The following PHF8 variants were observed in gnomAD, a reference collection of about 807,000 sequenced individuals.
The protein encoded by PHF8 is PHD finger protein 8.
In PHF8, 9 loss-of-function variants were observed where a neutral mutation model predicts 74.4. The ratio of observed to expected loss-of-function variants is 0.12; its 90% CI spans 0.07 to 0.21. PHF8 has a LOEUF of 0.21. Among genes scored for constraint, PHF8 ranks in the 10% least tolerant of loss-of-function variants. The pLI, the probability that PHF8 is intolerant of heterozygous loss-of-function variation, is 1.00. For synonymous variants in PHF8, 311 were observed against 316.6 expected, an observed-to-expected ratio of 0.98 and a Z score of 0.19; for missense variants, 478 against 816.6, an observed-to-expected ratio of 0.59 and a Z score of 5.05.
chrX:54,015,886 C>T (rs1255549115), intron 6 of PHF8, among the ~76,000 whole-genome samples: 3 of 110,844 alleles, frequency 2.7e-5, no homozygotes, highest in Admixed American at 9.7e-5. Context: ...AAATAGGTTT[C>T]TCTTTTTCTT....
intron 18 of PHF8, among the ~76,000 whole-genome samples, chrX:53,984,078 A>G (rs1419618242): frequency 4.4e-5 from 5 of 112,518 alleles, no homozygotes; most frequent in African/African-American, 1.6e-4. Context: ...TATTAAAACA[A>G]TGGCCGGGCG....
chrX:53,955,187 T>C (rs781864111), intron 19 of PHF8, among the ~76,000 whole-genome samples: 1 of 111,578 alleles, frequency 9.0e-6, no homozygotes, highest in African/African-American at 3.2e-5. Flanking sequence ...GTATTAGCAG[T>C]TTTTAGTTGA....
intron 2 of PHF8, among the ~76,000 whole-genome samples, chrX:54,036,819 T>G (rs2146507584): frequency 9.4e-6 from 1 of 106,100 alleles, no homozygotes; most frequent in Non-Finnish European, 1.9e-5. Flanking sequence ...GCCAACATGG[T>G]GAAACCCCAT....
intron 18 of PHF8, among the ~76,000 whole-genome samples, chrX:53,966,466 G>A (rs1477595714): frequency 8.9e-6 from 1 of 112,869 alleles, no homozygotes. Context: ...GCTCCTAACC[G>A]CGAGTGATCC....
At chrX:54,013,921 A>G (rs1393033615) in intron 7 of PHF8, among the ~76,000 whole-genome samples, 1 of 111,769 alleles carries the variant, frequency 8.9e-6, no homozygotes, top group East Asian at 2.8e-4. Flanking sequence ...GGCATCTGCT[A>G]TTATTCAAAA....
chrX:53,956,017 C>G (rs1009188576), intron 19 of PHF8, among the ~76,000 whole-genome samples: 1 of 111,085 alleles, frequency 9.0e-6, no homozygotes, highest in Non-Finnish European at 1.9e-5. Flanking sequence ...GAGGCTGAGG[C>G]GGGCTAATCA....
chrX:53,994,592 C>T (rs985678909), intron 12 of PHF8, among the ~76,000 whole-genome samples: 2 of 112,726 alleles, frequency 1.8e-5, no homozygotes, highest in South Asian at 3.6e-4. Context: ...ATCTCTAAGT[C>T]CTCTTCCAAC....
upstream of PHF8, chrX:54,044,751 C>T (rs1373494959): frequency 5.1e-5 from 28 of 551,105 alleles, no homozygotes; most frequent in East Asian, 2.8e-4. Context: ...TACCCCGACT[C>T]GCACACTCCT....
intron 19 of PHF8, among the ~76,000 whole-genome samples, chrX:53,956,372 C>T (rs1373403543): frequency 9.0e-6 from 1 of 111,585 alleles, no homozygotes; most frequent in African/African-American, 3.3e-5. Flanking sequence ...ACCCATGATA[C>T]GTATGAGTCA....
intron 21 of PHF8, among the ~76,000 whole-genome samples, chrX:53,939,955 C>T (rs1165372201): frequency 9.0e-6 from 1 of 110,879 alleles, no homozygotes; most frequent in African/African-American, 3.3e-5. Context: ...CTCTAGCCCA[C>T]CCTCTACCTC....
intron 7 of PHF8, among the ~76,000 whole-genome samples, chrX:54,011,711 C>T (rs2065983740): frequency 9.0e-6 from 1 of 110,979 alleles, no homozygotes; most frequent in South Asian, 3.7e-4. Context: ...AGTGTTCCTT[C>T]CCACACCTGC....
In PHF8 at chrX:54,026,125, G is replaced by A. The variant is rs58832275; in HGVS notation, c.99-3282C>T. On this transcript the variant is annotated intron_variant, in intron 2 of 21. Coordinates refer to ENST00000338154, the MANE Select transcript of PHF8 (RefSeq NM_015107.3). ...TCCCAGCATTTTGGGAGGCTGAGGC[G>A]GGTGGATCACCTGAAGTTAGGAGTT... 9.5e-3 allele frequency among the ~76,000 whole-genome samples: 1,061 copies of A among 111,194 alleles called. 13 individuals are homozygous for A. The highest frequency in any genetic ancestry group is 0.033 in the African/African-American group (1,019 of 30,572).
intron 18 of PHF8, among the ~76,000 whole-genome samples, 173 bp downstream of exon 18, chrX:53,984,741 C>A (rs1226469635): frequency 8.9e-6 from 1 of 112,212 alleles, no homozygotes; most frequent in Non-Finnish European, 1.9e-5. Flanking sequence ...TTAACATTAA[C>A]CTGTGAGATA....
intron 14 of PHF8, among the ~76,000 whole-genome samples, chrX:53,990,486 A>T (rs1182815522): frequency 9.0e-6 from 1 of 111,489 alleles, no homozygotes; most frequent in Admixed American, 9.5e-5. Flanking sequence ...TAGCCATTAT[A>T]GGCTAGACTC....
chrX:54,024,027 C>G (rs1432470505), intron 2 of PHF8, among the ~76,000 whole-genome samples: 1 of 111,223 alleles, frequency 9.0e-6, no homozygotes, highest in Non-Finnish European at 1.9e-5. Flanking sequence ...ATATTCCCAA[C>G]TAATAATCTC....
At chrX:53,986,778 A>AT (rs2065572912) in intron 16 of PHF8, among the ~76,000 whole-genome samples, 1 of 110,068 alleles carries the variant, frequency 9.1e-6, no homozygotes, top group African/African-American at 3.3e-5. Context: ...ACAAAAAAAA[A>AT]TTTTTTTTAA....
intron 5 of PHF8, among the ~76,000 whole-genome samples, chrX:54,017,004 T>A (rs964787546): frequency 4.5e-5 from 5 of 112,288 alleles, no homozygotes; most frequent in Non-Finnish European, 7.5e-5. Context: ...CTCCATTTCT[T>A]CTCTTCCTCT....
intron 19 of PHF8, among the ~76,000 whole-genome samples, chrX:53,960,315 T>A (rs1262815269): frequency 9.3e-6 from 1 of 107,843 alleles, no homozygotes; most frequent in Non-Finnish European, 1.9e-5. Flanking sequence ...GACCTTGTGA[T>A]CCACCCGCCT....
At chrX:54,011,776 G>A (rs1481967870) in intron 7 of PHF8, among the ~76,000 whole-genome samples, 1 of 104,456 alleles carries the variant, frequency 9.6e-6, no homozygotes, top group Non-Finnish European at 1.9e-5. Context: ...ACTTCTGGAA[G>A]ATTATATGTT....
Sources: gnomAD v4.1 joint callset for allele counts (sites outside exome capture counted in the v4.1 genomes callset) on GRCh38, gnomAD v4.1.1 for gene constraint, MANE v1.5 for transcripts, NCBI Gene and HGNC (gene_info 2026-07-23, HGNC 2026-07-21) for gene names.